The following VIRMA variants were observed in gnomAD, a reference collection of about 807,000 sequenced individuals.
VIRMA encodes protein virilizer homolog.
A neutral mutation model predicts 182.4 loss-of-function variants in VIRMA; 65 were observed. The observed-to-expected ratio is 0.36, with a 90% CI of 0.29 to 0.44. The LOEUF is 0.44. VIRMA is among the 20% of genes least tolerant of loss of function. The pLI, the probability that VIRMA is intolerant of heterozygous loss-of-function variation, is 1.00. For missense variants in VIRMA, 1,752 were observed against 2,158.1 expected (o/e 0.81, Z 3.73); for synonymous variants, 709 against 743.1 (o/e 0.95, Z 0.75).
At position 94,495,848 on chromosome 8, in the gene VIRMA, C is replaced by T; in HGVS notation, c.4427G>A (p.Ser1476Asn). 1.2e-6 allele frequency: 2 copies of T among 1,613,876 alleles called. No individual in the cohort carries two copies. Among genetic ancestry groups the T allele is most frequent in the South Asian group, 2.2e-5 (2 of 91,036 alleles). ...CAGCATCTGCTTAAGTCCAACTACA[C>T]TGTCCAACAAAGAATCCAGATTGTC... ...DDDNLDSLLD[S>N]VVGLKQMLES... The change falls in exon 19 of 24, where the codon AGT becomes AAT. Residue 1476 changes from serine (S) to asparagine (N), a missense_variant. Physicochemically the swap from Ser to Asn is conservative, Grantham distance 46. This residue lies in a region of VIRMA where 777 missense variants were observed against 920.6 expected (regional missense o/e 0.84). Transcript: ENST00000297591.
intron 3 of VIRMA, among the ~76,000 whole-genome samples, chr8:94,538,008 T>C (rs1272589105): frequency 6.6e-6 from 1 of 152,212 alleles, no homozygotes; most frequent in Admixed American, 6.5e-5. Context: ...GAAAGTATCA[T>C]GTATATAAGA....
intron 8 of VIRMA, among the ~76,000 whole-genome samples, chr8:94,523,704 CTG>C (rs1814854450): frequency 6.6e-6 from 1 of 152,192 alleles, no homozygotes. Context: ...TCTCGGCTCA[CTG>C]CAACCACTGC....
Position 94,517,922 on chromosome 8 carries a change from G to T in VIRMA, c.2534C>A (p.Ser845Ter). The change falls in exon 10 of 24, where the codon TCA (serine) becomes TAA (stop). Residue 845 changes from serine to a stop codon, truncating the protein, a stop_gained. Coordinates refer to ENST00000297591, the MANE Select transcript of VIRMA (RefSeq NM_015496.5). LOFTEE classifies it high-confidence loss of function. The part of the protein sequence containing the change: ...EALGDSKSKK[S>*]VAYNYACILI... ...TATGCATGCGTAATTATAAGCTACT[G>T]ACTTCTTAGATTTGGAATCACTGAA... 1 of 1,611,390 alleles carries T rather than the reference G, an allele frequency of 6.2e-7. No homozygotes were observed. The highest frequency in any genetic ancestry group is 1.1e-5 in the South Asian group (1 of 90,562).
chr8:94,551,751 G>T (rs1271456827), intron 1 of VIRMA, among the ~76,000 whole-genome samples: 1 of 152,122 alleles, frequency 6.6e-6, no homozygotes, highest in Admixed American at 6.6e-5. Flanking sequence ...TCGAGACAGG[G>T]TCTCACTCTG....
chr8:94,553,355 C>T, intron 1 of VIRMA, 30 bp downstream of exon 1: 1 of 1,607,530 alleles, frequency 6.2e-7, no homozygotes, highest in Non-Finnish European at 8.5e-7. Context: ...AGTCAAGAAG[C>T]AGCGTCAGAA....
intron 16 of VIRMA, among the ~76,000 whole-genome samples, chr8:94,505,491 G>A (rs1213315233): frequency 2.8e-5 from 4 of 141,292 alleles, no homozygotes; most frequent in Non-Finnish European, 6.2e-5. Flanking sequence ...CTTTTTTTTT[G>A]AGACAAGGTC....
At chr8:94,509,562 G>T in intron 15 of VIRMA, 126 bp downstream of exon 15, 1 of 956,768 alleles carries the variant, frequency 1.0e-6, no homozygotes, top group Non-Finnish European at 1.5e-6. Context: ...ACAACAGCAG[G>T]AATAATAAAA....
At chr8:94,522,181 T>C (rs10094477) in intron 8 of VIRMA, among the ~76,000 whole-genome samples, 6,069 of 152,260 alleles carry the variant, frequency 0.04, 131 homozygotes, top group Non-Finnish European at 0.05. Flanking sequence ...AATGTATACA[T>C]GTATCAAAAC....
At chr8:94,489,708 T>C (rs991077432) in intron 23 of VIRMA, among the ~76,000 whole-genome samples, 1 of 152,142 alleles carries the variant, frequency 6.6e-6, no homozygotes, top group Non-Finnish European at 1.5e-5. Flanking sequence ...ATATAACATA[T>C]AAAATATGTG....
intron 15 of VIRMA, among the ~76,000 whole-genome samples, chr8:94,508,511 C>G (rs1326616816): frequency 6.6e-6 from 1 of 152,082 alleles, no homozygotes; most frequent in Non-Finnish European, 1.5e-5. Flanking sequence ...AGAAGGAAAA[C>G]ACAGCAAAGT....
At chr8:94,551,295 C>T (rs1393619500) in intron 1 of VIRMA, among the ~76,000 whole-genome samples, 1 of 152,182 alleles carries the variant, frequency 6.6e-6, no homozygotes, top group Non-Finnish European at 1.5e-5. Flanking sequence ...TTTATTTATA[C>T]CCACAAAGGG....
At position 94,513,335 on chromosome 8, in the gene VIRMA, TCAAAACAAAA is replaced by T. The variant is rs199748166; in HGVS notation, c.2752-1256_2752-1247del. On this transcript the variant is annotated intron_variant, in intron 11 of 23. Transcript: ENST00000297591. ...CTGGGCGACAGAGCAAGACTCCATC[TCAAAACAAAA>T]CAAAACAAAACAAAAAAACCTTGGA... Among the ~76,000 whole-genome samples, 985 of 146,430 alleles carry T rather than the reference TCAAAACAAAA, an allele frequency of 6.7e-3. 7 individuals are homozygous for T. The highest frequency in any genetic ancestry group is 0.024 in the African/African-American group (929 of 39,460).
At chr8:94,501,756 G>A (rs775609309) in intron 16 of VIRMA, among the ~76,000 whole-genome samples, 1 of 152,044 alleles carries the variant, frequency 6.6e-6, no homozygotes, top group African/African-American at 2.4e-5. Flanking sequence ...CCAGGAGTTC[G>A]AGACCAGCCT....
chr8:94,505,631 T>A (rs749465979), intron 16 of VIRMA, among the ~76,000 whole-genome samples: 9 of 151,974 alleles, frequency 5.9e-5, no homozygotes, highest in Non-Finnish European at 1.3e-4. Flanking sequence ...TACAGGTGTG[T>A]GCCATCATGC....
At chr8:94,511,835 A>C in intron 12 of VIRMA, 106 bp from the exon 13 acceptor site, 1 of 711,048 alleles carries the variant, frequency 1.4e-6, no homozygotes, top group Non-Finnish European at 2.0e-6. Flanking sequence ...TTATATTTAT[A>C]ATAAATGATT....
At chr8:94,551,484 G>T (rs1413755189) in intron 1 of VIRMA, among the ~76,000 whole-genome samples, 1 of 151,956 alleles carries the variant, frequency 6.6e-6, no homozygotes. Context: ...TCAATATTTC[G>T]TATCACCCAC....
rs532010091 is a variant in VIRMA at position 94,513,038 on chromosome 8, A to C, written c.2752-949T>G. ...TTAGCTTTCACAGAACAGCATTATC[A>C]ATTGTTTAAAAACTTGGGGCTGGGT... On this transcript the variant is annotated intron_variant, in intron 11 of 23. Transcript: ENST00000297591. Among the ~76,000 whole-genome samples, 3 of 152,300 alleles carry C rather than the reference A, an allele frequency of 2.0e-5. No homozygotes were observed. In the South Asian group the frequency reaches 6.2e-4, roughly 32 times the overall value.
At chr8:94,495,092 C>A in intron 19 of VIRMA, 136 bp from the exon 20 acceptor site, 1 of 682,376 alleles carries the variant, frequency 1.5e-6, no homozygotes, top group Non-Finnish European at 2.6e-6. Flanking sequence ...CCTTGATCTC[C>A]TGGGCTCAAG....
chr8:94,549,735 T>C (rs762641466), intron 1 of VIRMA, among the ~76,000 whole-genome samples: 8 of 152,278 alleles, frequency 5.3e-5, no homozygotes, highest in Non-Finnish European at 7.4e-5. Flanking sequence ...AGCTATGCTA[T>C]TTTAGGAAAG....
Sources: gnomAD v4.1 joint callset for allele counts (sites outside exome capture counted in the v4.1 genomes callset) on GRCh38, gnomAD v4.1.1 for gene constraint, gnomAD v4.1.1 regional missense constraint, MANE v1.5 for transcripts, NCBI Gene and HGNC (gene_info 2026-07-23, HGNC 2026-07-21) for gene names.